RGS7: variants seen among roughly 807,000 people sequenced by gnomAD.
RGS7 encodes the protein regulator of G protein signaling 7.
RGS7 carries 27 observed loss-of-function variants against 81.1 expected under a neutral mutation model. The ratio of observed to expected loss-of-function variants is 0.33; its 90% CI spans 0.25 to 0.46. RGS7 has a LOEUF of 0.46. RGS7 is among the 20% of genes least tolerant of loss of function. The probability of loss-of-function intolerance (pLI) is 1.00; values close to 1 mark genes in which losing one functional copy is unlikely to be tolerated. For missense variants in RGS7, 396 were observed against 607.4 expected, an observed-to-expected ratio of 0.65 and a Z score of 3.66; for synonymous variants, 208 against 207.7, an observed-to-expected ratio of 1.00 and a Z score of -0.01.
Position 240,870,131 on chromosome 1 carries a change from AT to A in RGS7, c.386-13del. On this transcript the variant is annotated splice_polypyrimidine_tract_variant and intron_variant, in intron 6 of 18. Coordinates refer to ENST00000440928, the MANE Select transcript of RGS7 (RefSeq NM_001364886.1). The stretch of plus-strand genomic sequence containing the variant: ...GCAGAGGTAAACGGCTGAAAAAAAA[AT>A]CAATCATTTCTTGCCTGCTTATCAA... 2.5e-6 allele frequency: 4 copies of A among 1,613,492 alleles called. No homozygotes were observed. The highest frequency in any genetic ancestry group is 3.4e-6 in the Non-Finnish European group (4 of 1,179,456).
chr1:240,914,052 T>C, intron 6 of RGS7, among the ~76,000 whole-genome samples: 1 of 122,948 alleles, frequency 8.1e-6, no homozygotes, highest in African/African-American at 3.0e-5. Flanking sequence ...CCCAATGCTA[T>C]CCCTCCCCCC....
At chr1:241,306,575 C>G (rs949310988) in intron 2 of RGS7, among the ~76,000 whole-genome samples, 1 of 151,934 alleles carries the variant, frequency 6.6e-6, no homozygotes, top group Non-Finnish European at 1.5e-5. Context: ...TATGTCCACA[C>G]ACGTACAAAC....
intron 3 of RGS7, among the ~76,000 whole-genome samples, chr1:241,037,826 T>C (rs2060412498): frequency 6.6e-6 from 1 of 151,834 alleles, no homozygotes; most frequent in Non-Finnish European, 1.5e-5. Flanking sequence ...GCAAATTGGA[T>C]GGAGTCAGAG....
intron 11 of RGS7, 129 bp from the exon 12 acceptor site, chr1:240,814,906 T>A: frequency 2.8e-6 from 2 of 705,466 alleles, no homozygotes; most frequent in Non-Finnish European, 2.6e-6. Flanking sequence ...CAAAGTTGGT[T>A]AAAAAAATAG....
chr1:241,022,345 T>TA, intron 3 of RGS7, among the ~76,000 whole-genome samples: 1 of 152,286 alleles, frequency 6.6e-6, no homozygotes, highest in African/African-American at 2.4e-5. Context: ...CTTTGAAACA[T>TA]AAAATAACAG....
In RGS7 at chr1:240,943,907, G is replaced by C. The variant is rs527347448; in HGVS notation, c.227-7201C>G. Among the ~76,000 whole-genome samples, 43 of 152,120 alleles carry C rather than the reference G, an allele frequency of 2.8e-4. No individual in the cohort carries two copies. The South Asian group carries it at 2.9e-3, about 10-fold the overall frequency. ...GAGCACGGGGACAGCAATCAGAATG[G>C]GAGATGAATTCTTAGGGAAGCATAA... On this transcript the variant is annotated intron_variant, in intron 4 of 18. Coordinates refer to ENST00000440928, the MANE Select transcript of RGS7 (RefSeq NM_001364886.1).
intron 2 of RGS7, among the ~76,000 whole-genome samples, chr1:241,146,533 T>G (rs528327390): frequency 6.6e-6 from 1 of 152,230 alleles, no homozygotes; most frequent in East Asian, 1.9e-4. Context: ...AATGCCAGCA[T>G]CAGAAGAAAC....
At chr1:240,998,763 T>G (rs1016183025) in intron 3 of RGS7, 1 of 738,704 alleles carries the variant, frequency 1.4e-6, no homozygotes, top group Admixed American at 1.8e-5. Flanking sequence ...GAGGGCCAGG[T>G]AGATGCAGGC....
At chr1:240,862,276 T>TA (rs537165043) in intron 9 of RGS7, among the ~76,000 whole-genome samples, 3 of 152,170 alleles carry the variant, frequency 2.0e-5, no homozygotes, top group Non-Finnish European at 4.4e-5. Context: ...TTTTGAAAGG[T>TA]AAAAAATCAT....
chr1:241,317,421 A>T (rs2080947419), intron 2 of RGS7, among the ~76,000 whole-genome samples: 1 of 152,186 alleles, frequency 6.6e-6, no homozygotes, highest in African/African-American at 2.4e-5. Context: ...TCCAGAAAAC[A>T]ACTTGTTAGA....
At chr1:240,932,805 G>C (rs1675745131) in intron 5 of RGS7, among the ~76,000 whole-genome samples, 1 of 149,610 alleles carries the variant, frequency 6.7e-6, no homozygotes, top group African/African-American at 2.5e-5. Flanking sequence ...ACTGTGCCCG[G>C]CCTAAAAACG....
intron 4 of RGS7, among the ~76,000 whole-genome samples, chr1:240,941,338 A>C (rs1033864850): frequency 6.6e-6 from 1 of 152,212 alleles, no homozygotes; most frequent in African/African-American, 2.4e-5. Context: ...TGTGTTCATT[A>C]CAGGATCTCC....
At chr1:241,210,394 C>T (rs1208763932) in intron 2 of RGS7, among the ~76,000 whole-genome samples, 2 of 152,178 alleles carry the variant, frequency 1.3e-5, no homozygotes, top group African/African-American at 4.8e-5. Context: ...GTGATCCACC[C>T]ACCTCGGCCT....
rs6672213 is a variant in RGS7, at chr1:241,021,828, G to A, written c.176-38699C>T. Among the ~76,000 whole-genome samples the A allele has an allele frequency of 5.4e-4, 82 of 152,068 alleles. 1 individual carries two copies. Among genetic ancestry groups the A allele is most frequent in the Admixed American group, 5.0e-3 (76 of 15,276 alleles). On this transcript the variant is annotated intron_variant, in intron 3 of 18. Transcript: ENST00000440928. ...TGAGATTTGAAGCACTAACCACTCGGGGTCCTATCTTGATAGCCCTGGCTT... is the reference window on the plus strand; with the variant it reads ...TGAGATTTGAAGCACTAACCACTCGAGGTCCTATCTTGATAGCCCTGGCTT...
At position 240,901,005 on chromosome 1, in the gene RGS7, C is replaced by A. The variant is rs574692979; in HGVS notation, c.385+29712G>T. Among the ~76,000 whole-genome samples, 4 of 152,308 alleles carry A rather than the reference C, an allele frequency of 2.6e-5. No individual in the cohort carries two copies. The East Asian group carries it at 7.7e-4, about 29-fold the overall frequency. On this transcript the variant is annotated intron_variant, in intron 6 of 18. Transcript: ENST00000440928. ...AGCCTCAGCAGTGGCAGACACCCCT[C>A]CCCCAGCCTCGCTGCTGCCTTGCAG... is the stretch of plus-strand genomic sequence containing the variant.
intron 2 of RGS7, among the ~76,000 whole-genome samples, chr1:241,129,332 C>G (rs148983129): frequency 4.0e-4 from 60 of 151,388 alleles, no homozygotes; most frequent in African/African-American, 1.4e-3. Flanking sequence ...TTTTAAATTT[C>G]ACAAAATGAA....
intron 9 of RGS7, among the ~76,000 whole-genome samples, chr1:240,833,402 G>A (rs532422338): frequency 1.3e-5 from 2 of 152,280 alleles, no homozygotes; most frequent in East Asian, 3.9e-4. Flanking sequence ...AGTTGACTGT[G>A]GGTAACTGAA....
At chr1:240,812,865 A>G (rs933719687) in intron 13 of RGS7, among the ~76,000 whole-genome samples, 4 of 152,178 alleles carry the variant, frequency 2.6e-5, no homozygotes, top group Non-Finnish European at 4.4e-5. Context: ...CCTAATCCCA[A>G]CTGAGTCACA....
intron 6 of RGS7, among the ~76,000 whole-genome samples, chr1:240,894,301 C>T (rs149696215): frequency 1.2e-4 from 19 of 152,208 alleles, no homozygotes; most frequent in Non-Finnish European, 2.5e-4. Context: ...CTGTAACTAG[C>T]GCTCAGTGTC....
Sources: allele counts gnomAD v4.1 joint callset (sites outside exome capture counted in the v4.1 genomes callset), GRCh38; gene constraint gnomAD v4.1.1; transcripts MANE v1.5; gene names NCBI Gene and HGNC (gene_info 2026-07-23, HGNC 2026-07-21).